The following GIGYF1 variants were observed in gnomAD, a reference collection of about 807,000 sequenced individuals.
GIGYF1 encodes the protein GRB10-interacting GYF protein 1.
GIGYF1 carries 84 observed loss-of-function variants against 147.1 expected under a neutral mutation model. That is an observed-to-expected ratio of 0.57 (90% CI 0.48 to 0.68). The LOEUF is 0.68. Ranked by LOEUF, GIGYF1 falls within the 30% of genes least tolerant of loss-of-function variation. The pLI, the probability that GIGYF1 is intolerant of heterozygous loss-of-function variation, is 0.00. For synonymous variants in GIGYF1, 752 were observed against 589.5 expected (o/e 1.28, Z -3.99); for missense variants, 1,485 against 1,393.7 (o/e 1.07, Z -1.04).
In GIGYF1 at chr7:100,680,546, A is replaced by G. The variant is rs578108339; in HGVS notation, c.*1173T>C. ...AAAAGCGCATCATATCAGACCCGGAAGGCCACCTGCTCCTCTCCCATTTGG... is the reference window on the plus strand; with the variant it reads ...AAAAGCGCATCATATCAGACCCGGAGGGCCACCTGCTCCTCTCCCATTTGG... On this transcript the variant is annotated 3_prime_UTR_variant, in exon 27 of 27. Coordinates refer to ENST00000678049, the MANE Select transcript of GIGYF1 (RefSeq NM_001375765.1). The G allele has an allele frequency of 6.5e-6, 1 of 152,744 alleles. No homozygotes were observed. Among genetic ancestry groups the G allele is most frequent in the African/African-American group, 2.4e-5 (1 of 41,558 alleles). 9.5% of individuals were successfully genotyped at this position (152,744 alleles called of 1,614,324 possible).
rs761445083 is a variant in GIGYF1 at position 100,685,382 on chromosome 7, C to A, written c.1154G>T (p.Gly385Val). ...GGGCTCTTTCTCTGCAGTTTCGTCC[C>A]CATCCCCGTTTGTCCCCCAGAGTGG... The part of the protein sequence containing the change: ...LGPLWGTNGD[G>V]DETAEKEPPA... Residue 385 changes from glycine (G) to valine (V), a missense_variant, in exon 13 of 27, where the codon GGG becomes GTG. Transcript: ENST00000678049. 3.8e-6 allele frequency: 6 copies of A among 1,596,590 alleles called. No homozygotes were observed. The highest frequency in any genetic ancestry group is 5.1e-6 in the Non-Finnish European group (6 of 1,175,838).
Position 100,683,050 on chromosome 7 carries a change from G to T in GIGYF1, c.2374C>A (p.Arg792=). 1 of 1,569,558 alleles carries T rather than the reference G, an allele frequency of 6.4e-7. No homozygotes were observed. Among genetic ancestry groups the T allele is most frequent in the South Asian group, 1.1e-5 (1 of 88,060 alleles). ...GGGGCCTGGGCCCGAGCTGGCTCCC[G>T]AGGTGGGGGCTGTTTGTGCAGCTGC... ...ERQLHKQPPP[R]EPARAQAPNH... is the part of the protein sequence containing the mutation. Residue 792 remains arginine, a synonymous_variant, in exon 22 of 27, where the codon CGG becomes AGG. Transcript: ENST00000678049.
Position 100,681,644 on chromosome 7 carries a change from TGCAGGCTGG to T in GIGYF1, c.*66_*74del. Reference sequence around the variant, plus strand: ...CTTCCTGTGCTCTCTGCGGGGAGCCTGCAGGCTGGGACCCTCGGTCCACGCCGCTGTGGC... The same window carrying T: ...CTTCCTGTGCTCTCTGCGGGGAGCCTGACCCTCGGTCCACGCCGCTGTGGC... On this transcript the variant is annotated 3_prime_UTR_variant, in exon 27 of 27. Coordinates refer to ENST00000678049, the MANE Select transcript of GIGYF1 (RefSeq NM_001375765.1). 1 of 1,411,722 alleles carries T rather than the reference TGCAGGCTGG, an allele frequency of 7.1e-7. No homozygotes were observed. The highest frequency in any genetic ancestry group is 1.4e-5 in the South Asian group (1 of 71,100). 87.4% of individuals were successfully genotyped at this position (1,411,722 alleles called of 1,614,324 possible).
Position 100,682,653 on chromosome 7 carries a change from T to G in GIGYF1, c.2537A>C (p.Lys846Thr). Residue 846 changes from lysine (K) to threonine (T), a missense_variant, in exon 23 of 27, where the codon AAG (lysine) becomes ACG (threonine). Coordinates refer to ENST00000678049, the MANE Select transcript of GIGYF1 (RefSeq NM_001375765.1). ...GCCACGGACCAGGCTCCCGCCGCTC[T>G]TGGGGGTGTCCTCCCAGAGCCCCAG... Reference protein sequence around the residue: ...SGLGLWEDTPKSGGSLVRGLG... With the variant: ...SGLGLWEDTPTSGGSLVRGLG... 6.2e-7 allele frequency: 1 copy of G among 1,605,186 alleles called. No homozygotes were observed. The highest frequency in any genetic ancestry group is 8.5e-7 in the Non-Finnish European group (1 of 1,177,432).
rs768488161 is a variant in GIGYF1, at chr7:100,684,431, C to T, written c.1629+19G>A. On this transcript the variant is annotated intron_variant, in intron 16 of 26. Transcript: ENST00000678049. ...ACCCCTCACACCCTGTCCCTCCATG[C>T]AGGGGAGAAGCGGCTCACCAGCAGT... The T allele has an allele frequency of 1.2e-6, 2 of 1,611,526 alleles. No individual in the cohort carries two copies. The highest frequency in any genetic ancestry group is 1.7e-6 in the Non-Finnish European group (2 of 1,179,818).
At position 100,683,811 on chromosome 7, in the gene GIGYF1, C is replaced by A; in HGVS notation, c.1969+7G>T. 1 of 1,574,832 alleles carries A rather than the reference C, an allele frequency of 6.3e-7. No individual in the cohort carries two copies. The highest frequency in any genetic ancestry group is 8.6e-7 in the Non-Finnish European group (1 of 1,158,988). On this transcript the variant is annotated splice_region_variant and intron_variant, in intron 19 of 26. Coordinates refer to ENST00000678049, the MANE Select transcript of GIGYF1 (RefSeq NM_001375765.1). ...CCTTGGGGGTGGGGACCAGTCAGGC[C>A]ACACACCTGACTGTGATGAGGCTGA...
At chr7:100,684,183 G>A in intron 17 of GIGYF1, 26 bp from the exon 18 acceptor site, 2 of 1,608,970 alleles carry the variant, frequency 1.2e-6, no homozygotes, top group South Asian at 1.1e-5. Context: ...TGGAGATGGT[G>A]GGCCACAGAG....
In GIGYF1 at chr7:100,680,924, C is replaced by CA. The variant is rs1804689891; in HGVS notation, c.*794dup. On this transcript the variant is annotated 3_prime_UTR_variant, in exon 27 of 27. Coordinates refer to ENST00000678049, the MANE Select transcript of GIGYF1 (RefSeq NM_001375765.1). ...AATGGCAGCAGTGGGAGACGCCCCT[C>CA]ACCAGAACCAGAGTCCTGCTGCCCC... The CA allele has an allele frequency of 6.5e-6, 1 of 152,728 alleles. No homozygotes were observed. Among genetic ancestry groups the CA allele is most frequent in the African/African-American group, 2.4e-5 (1 of 41,468 alleles). The allele number at this position is 152,728 out of a possible 1,614,324, so 9.5% of individuals were successfully genotyped here.
chr7:100,693,747 T>G, intron 1 of GIGYF1, among the ~76,000 whole-genome samples: 1 of 147,482 alleles, frequency 6.8e-6, no homozygotes, highest in East Asian at 2.1e-4. Context: ...AGCGCGGGGG[T>G]GGAAGGCAGC....
intron 22 of GIGYF1, 99 bp from the exon 23 acceptor site, chr7:100,682,876 G>T: frequency 7.6e-7 from 1 of 1,316,464 alleles, no homozygotes; most frequent in Non-Finnish European, 1.0e-6. Context: ...GGTGAGGTGA[G>T]GGCCACAAGA....
At chr7:100,685,203 T>C (rs1805201819) in intron 13 of GIGYF1, 57 bp from the exon 14 acceptor site, 1 of 1,511,380 alleles carries the variant, frequency 6.6e-7, no homozygotes, top group South Asian at 1.2e-5. Flanking sequence ...AAGATAGCTT[T>C]CGCCTACTCT....
Position 100,694,207 on chromosome 7 carries a change from T to C in GIGYF1, c.-1196A>G, listed in dbSNP as rs987462655. ...CGGCTAGCAGCGGGGGAGGGGGCGC[T>C]GGCGCTCCCGCGGCGGCCGCTCCTC... On this transcript the variant is annotated 5_prime_UTR_variant, in exon 1 of 27. Coordinates refer to ENST00000678049, the MANE Select transcript of GIGYF1 (RefSeq NM_001375765.1). Among the ~76,000 whole-genome samples the C allele has an allele frequency of 2.1e-5, 3 of 144,858 alleles. No homozygotes were observed. The highest frequency in any genetic ancestry group is 7.4e-5 in the African/African-American group (3 of 40,296).
In GIGYF1 at chr7:100,679,676, AG is replaced by A. The variant is rs1262230325; in HGVS notation, c.*2042del. The A allele has an allele frequency of 6.5e-6, 1 of 152,752 alleles. No individual in the cohort carries two copies. Among genetic ancestry groups the A allele is most frequent in the Non-Finnish European group, 1.5e-5 (1 of 68,252 alleles). 9.5% of individuals were successfully genotyped at this position (152,752 alleles called of 1,614,324 possible). Reference sequence around the variant, plus strand: ...CCAACCCCAGGAAGGGCAGGGGAGCAGCGAGGGCCCAGGAAGACCGGGGCCG... The same window carrying A: ...CCAACCCCAGGAAGGGCAGGGGAGCACGAGGGCCCAGGAAGACCGGGGCCG... On this transcript the variant is annotated 3_prime_UTR_variant, in exon 27 of 27. Transcript: ENST00000678049.
In GIGYF1 at chr7:100,686,809, G is replaced by C; in HGVS notation, c.534C>G (p.Gly178=). ...KSARRDGARC[G]FEEGGAGPRK... ...TTGGGCCAGCCCCTCCCTCCTCAAA[G>C]CCACATCGTGCTGGGAGACGGGAAG... Residue 178 remains glycine (G), a synonymous_variant, in exon 10 of 27, where the codon GGC becomes GGG. Coordinates refer to ENST00000678049, the MANE Select transcript of GIGYF1 (RefSeq NM_001375765.1). 1 of 1,613,892 alleles carries C rather than the reference G, an allele frequency of 6.2e-7. No individual in the cohort carries two copies. The highest frequency in any genetic ancestry group is 8.5e-7 in the Non-Finnish European group (1 of 1,179,936).
chr7:100,679,704 G>C lies in GIGYF1; in HGVS notation c.*2015C>G, dbSNP rs1055138273. The C allele has an allele frequency of 6.5e-6, 1 of 152,826 alleles. No individual in the cohort carries two copies. Among genetic ancestry groups the C allele is most frequent in the African/African-American group, 2.4e-5 (1 of 41,428 alleles). 9.5% of individuals were successfully genotyped at this position (152,826 alleles called of 1,614,324 possible). On this transcript the variant is annotated 3_prime_UTR_variant, in exon 27 of 27. Coordinates refer to ENST00000678049, the MANE Select transcript of GIGYF1 (RefSeq NM_001375765.1). ...GAGGGCCCAGGAAGACCGGGGCCGG[G>C]GAAGGACAGCAACAGGGTCTGAGTC...
In GIGYF1 at chr7:100,682,772, A is replaced by C. The variant is rs1315008672; in HGVS notation, c.2418T>G (p.Leu806=). Residue 806 remains leucine, a synonymous_variant, in exon 23 of 27, where the codon CTT becomes CTG. Transcript: ENST00000678049. ...TCAGGGGGGCAGTGCCCAGGCCCCC[A>C]AGCTGCTACAGATGGCAGAAGATCA... is the stretch of plus-strand genomic sequence containing the variant. The part of the protein sequence containing the change: ...RAQAPNHRVQ[L]GGLGTAPLNQ... 3 of 1,522,818 alleles carry C rather than the reference A, an allele frequency of 2.0e-6. No individual in the cohort carries two copies. The South Asian group carries it at 3.9e-5, about 20-fold the overall frequency. The allele number at this position is 1,522,818 out of a possible 1,614,324, so 94.3% of individuals were successfully genotyped here.
At position 100,684,016 on chromosome 7, in the gene GIGYF1, G is replaced by T; in HGVS notation, c.1868+4C>A. ...TATCCTGAGGGCTCGCACGCACCAC[G>T]CACCTGGGGGGTTTGAGCGCCTGGA... On this transcript the variant is annotated splice_donor_region_variant and intron_variant, in intron 18 of 26. Coordinates refer to ENST00000678049, the MANE Select transcript of GIGYF1 (RefSeq NM_001375765.1). 7.5e-7 allele frequency: 1 copy of T among 1,325,094 alleles called. No individual in the cohort carries two copies. The allele number at this position is 1,325,094 out of a possible 1,614,324, so 82.1% of individuals were successfully genotyped here.
rs770254421 is a variant in GIGYF1 at position 100,682,577 on chromosome 7, G to T, written c.2600+13C>A. On this transcript the variant is annotated intron_variant, in intron 23 of 26. Transcript: ENST00000678049. ...CTCAGGGCCATCCCGGAGCCTCCAGGTGCCACGCCCACCTGAGAGATGGGC... is the reference window on the plus strand; with the variant it reads ...CTCAGGGCCATCCCGGAGCCTCCAGTTGCCACGCCCACCTGAGAGATGGGC... The T allele has an allele frequency of 6.3e-7, 1 of 1,592,600 alleles. No homozygotes were observed. Among genetic ancestry groups the T allele is most frequent in the Non-Finnish European group, 8.5e-7 (1 of 1,172,978 alleles).
In GIGYF1 at chr7:100,687,805, G is replaced by C; in HGVS notation, c.244C>G (p.Leu82Val). ...GGTCCCACCTGTTCCTCCTCAGTCA[G>C]CGGCTCCAGAGCCAGGGGCTGCAGT... ...EPLQPLALEPLTEEEQRNFSL... is the reference protein window; with the variant it reads ...EPLQPLALEPVTEEEQRNFSL... Residue 82 changes from leucine to valine, a missense_variant, in exon 6 of 27, where the codon CTG becomes GTG. Physicochemically the swap from Leu to Val is conservative, Grantham distance 32 (BLOSUM62 1). Coordinates refer to ENST00000678049, the MANE Select transcript of GIGYF1 (RefSeq NM_001375765.1). 1.2e-6 allele frequency: 2 copies of C among 1,612,710 alleles called. No homozygotes were observed. The highest frequency in any genetic ancestry group is 1.7e-6 in the Non-Finnish European group (2 of 1,179,932).
Sources: gnomAD v4.1 joint callset for allele counts (sites outside exome capture counted in the v4.1 genomes callset) on GRCh38, gnomAD v4.1.1 for gene constraint, MANE v1.5 for transcripts, NCBI Gene and HGNC (gene_info 2026-07-23, HGNC 2026-07-21) for gene names.